GPR141: variants seen among roughly 807,000 people sequenced by gnomAD.
GPR141 encodes the protein G protein-coupled receptor 141, also known as probable G protein-coupled receptor 141.
In GPR141, 6 loss-of-function variants were observed where a neutral mutation model predicts 6.8. That is an observed-to-expected ratio of 0.88 (90% CI 0.48 to 1.74). GPR141 has a LOEUF of 1.74. Among genes scored for constraint, GPR141 ranks in the 40% most tolerant of loss-of-function variants. The pLI, the probability that GPR141 is intolerant of heterozygous loss-of-function variation, is 0.01. For synonymous variants in GPR141, 140 were observed against 142.3 expected (o/e 0.98, Z 0.11); for missense variants, 372 against 372.9 (o/e 1.00, Z 0.02).
intron 2 of GPR141, among the ~76,000 whole-genome samples, chr7:37,737,499 G>T (rs973899167): frequency 1.3e-5 from 2 of 152,066 alleles, no homozygotes; most frequent in East Asian, 3.9e-4. Flanking sequence ...GCGGCCCATG[G>T]GCCACATACA....
intron 2 of GPR141, among the ~76,000 whole-genome samples, chr7:37,699,175 A>T (rs1810160175): frequency 1.3e-5 from 2 of 152,126 alleles, no homozygotes; most frequent in African/African-American, 2.4e-5. Context: ...GAAGAATCAG[A>T]TAGTAAATAT....
At chr7:37,702,000 C>T (rs761748960) in intron 2 of GPR141, among the ~76,000 whole-genome samples, 17 of 152,174 alleles carry the variant, frequency 1.1e-4, no homozygotes, top group Admixed American at 1.1e-3. Flanking sequence ...CAGCAACCTA[C>T]ATGGTTTAAG....
intron 2 of GPR141, among the ~76,000 whole-genome samples, chr7:37,688,788 GC>G (rs905628609): frequency 6.6e-6 from 1 of 152,144 alleles, no homozygotes; most frequent in African/African-American, 2.4e-5. Flanking sequence ...ACTACCAGTA[GC>G]ACTTACCTTC....
chr7:37,707,412 C>T (rs953338362), intron 2 of GPR141, among the ~76,000 whole-genome samples: 1 of 152,144 alleles, frequency 6.6e-6, no homozygotes, highest in Non-Finnish European at 1.5e-5. Flanking sequence ...ATTTTTATGA[C>T]TCTAGTTGTG....
chr7:37,704,488 A>G (rs528470585), intron 2 of GPR141, among the ~76,000 whole-genome samples: 1 of 152,086 alleles, frequency 6.6e-6, no homozygotes, highest in Non-Finnish European at 1.5e-5. Flanking sequence ...AAACCATCAG[A>G]TCTTGTGAGA....
chr7:37,718,195 C>T (rs774774212), intron 2 of GPR141, among the ~76,000 whole-genome samples: 20 of 151,528 alleles, frequency 1.3e-4, no homozygotes, highest in Non-Finnish European at 2.1e-4. Context: ...AATTCATATG[C>T]GAATTAGCAA....
In GPR141 at chr7:37,743,765, T is replaced by C. The variant is rs1208827463; in HGVS notation, c.*2454T>C. ...GCTTATTAGAAATGTTCTCAAAAGA[T>C]AGAAATGCAATATTTCATAATATAA... On this transcript the variant is annotated 3_prime_UTR_variant, in exon 3 of 3. Transcript: ENST00000334425. Among the ~76,000 whole-genome samples, 1 of 152,168 alleles carries C rather than the reference T, an allele frequency of 6.6e-6. No homozygotes were observed. The highest frequency in any genetic ancestry group is 2.4e-5 in the African/African-American group (1 of 41,466).
chr7:37,725,540 T>C (rs1289917952), intron 2 of GPR141, among the ~76,000 whole-genome samples: 3 of 152,214 alleles, frequency 2.0e-5, no homozygotes, highest in Non-Finnish European at 2.9e-5. Flanking sequence ...CTGTCAATAA[T>C]TCTCCCCCTC....
At chr7:37,733,723 T>A (rs2131850311) in intron 2 of GPR141, among the ~76,000 whole-genome samples, 1 of 151,150 alleles carries the variant, frequency 6.6e-6, no homozygotes, top group South Asian at 2.1e-4. Context: ...ATTGCTAGGA[T>A]TAGCATCACT....
intron 2 of GPR141, chr7:37,730,173 T>A (rs1464399441): frequency 6.6e-6 from 1 of 152,240 alleles, no homozygotes; most frequent in Non-Finnish European, 1.5e-5. Context: ...TTCTTTCTCT[T>A]CTCTCTTTTC....
intron 2 of GPR141, among the ~76,000 whole-genome samples, chr7:37,706,535 C>A (rs1271143968): frequency 1.3e-5 from 2 of 152,108 alleles, no homozygotes; most frequent in African/African-American, 4.8e-5. Flanking sequence ...TCTTCCCTGA[C>A]CCCCCACCAT....
intron 2 of GPR141, among the ~76,000 whole-genome samples, chr7:37,708,650 T>C (rs1810650396): frequency 6.6e-6 from 1 of 152,176 alleles, no homozygotes; most frequent in South Asian, 2.1e-4. Context: ...GTGACATTTA[T>C]AGGATACTGA....
rs892133219 is a variant in GPR141 at position 37,741,075 on chromosome 7, C to T, written c.682C>T (p.Leu228=). Reference sequence around the variant, plus strand: ...GGAGTTCTGGGCTCAGCTGAAAAACCTATTTTTTATAGGGGTCATCCTTGT... The same window carrying T: ...GGAGTTCTGGGCTCAGCTGAAAAACTTATTTTTTATAGGGGTCATCCTTGT... ...HQEFWAQLKN[L]FFIGVILVCF... Residue 228 remains leucine, a synonymous_variant, in exon 3 of 3, where the codon CTA becomes TTA. Coordinates refer to ENST00000334425, the MANE Select transcript of GPR141 (RefSeq NM_001381946.1). 4 of 1,613,942 alleles carry T rather than the reference C, an allele frequency of 2.5e-6. No homozygotes were observed. The highest frequency in any genetic ancestry group is 3.4e-6 in the Non-Finnish European group (4 of 1,179,946).
At chr7:37,734,381 C>T (rs1812131105) in intron 2 of GPR141, among the ~76,000 whole-genome samples, 1 of 152,172 alleles carries the variant, frequency 6.6e-6, no homozygotes, top group Non-Finnish European at 1.5e-5. Context: ...TGAAGTAACG[C>T]ATTGTTCTCT....
intron 2 of GPR141, among the ~76,000 whole-genome samples, chr7:37,732,141 TCTC>T (rs1309163177): frequency 7.4e-6 from 1 of 135,496 alleles, no homozygotes; most frequent in Non-Finnish European, 1.6e-5. Flanking sequence ...TCTTTCTCTC[TCTC>T]TTTTTTTTTT....
chr7:37,707,601 G>A (rs61269211), intron 2 of GPR141, among the ~76,000 whole-genome samples: 21,088 of 152,104 alleles, frequency 0.14, 1,776 homozygotes, highest in South Asian at 0.26. Flanking sequence ...TTTATGAAAC[G>A]GGTAACATTA....
At chr7:37,715,477 G>A (rs1020955518) in intron 2 of GPR141, among the ~76,000 whole-genome samples, 2 of 152,064 alleles carry the variant, frequency 1.3e-5, no homozygotes, top group Non-Finnish European at 2.9e-5. Context: ...ACCTTTAGAT[G>A]AGGAGGAAAA....
chr7:37,691,912 G>T (rs897816030), intron 2 of GPR141, among the ~76,000 whole-genome samples: 1 of 152,050 alleles, frequency 6.6e-6, no homozygotes, highest in Admixed American at 6.6e-5. Flanking sequence ...CCTTTAGAGT[G>T]ACTTTATACT....
chr7:37,688,882 T>C (rs1005847598), intron 2 of GPR141, among the ~76,000 whole-genome samples: 1 of 152,170 alleles, frequency 6.6e-6, no homozygotes, highest in African/African-American at 2.4e-5. Context: ...TCTTTTCCCC[T>C]TTCTTTTAAA....
Sources: allele counts gnomAD v4.1 joint callset (sites outside exome capture counted in the v4.1 genomes callset), GRCh38; gene constraint gnomAD v4.1.1; transcripts MANE v1.5; gene names NCBI Gene and HGNC (gene_info 2026-07-23, HGNC 2026-07-21).